Variants in PLA2G4E observed in about 807,000 individuals in gnomAD.
PLA2G4E encodes the protein cytosolic phospholipase A2 epsilon.
In PLA2G4E, 84 loss-of-function variants were observed where a neutral mutation model predicts 109.1. That is an observed-to-expected ratio of 0.77 (90% CI 0.65 to 0.92). The LOEUF (loss-of-function observed/expected upper bound fraction) is 0.92, where lower values mean the gene tolerates loss of function less well. PLA2G4E is among the 40% of genes least tolerant of loss of function. PLA2G4E has a pLI of 0.00. For missense variants in PLA2G4E, 1,057 were observed against 1,076.6 expected, an observed-to-expected ratio of 0.98 and a Z score of 0.25; for synonymous variants, 469 against 436.1, an observed-to-expected ratio of 1.08 and a Z score of -0.94.
chr15:42,020,351 G>C (rs977899394), intron 1 of PLA2G4E, among the ~76,000 whole-genome samples: 1 of 152,204 alleles, frequency 6.6e-6, no homozygotes, highest in African/African-American at 2.4e-5. Context: ...CTATTGCCTA[G>C]ATGGGGAAAC....
intron 1 of PLA2G4E, among the ~76,000 whole-genome samples, chr15:42,028,735 A>G (rs183761541): frequency 6.0e-4 from 91 of 152,294 alleles, no homozygotes; most frequent in Middle Eastern, 3.4e-3. Context: ...GGCTTCTTCT[A>G]TGTGCCTATG....
intron 1 of PLA2G4E, among the ~76,000 whole-genome samples, chr15:42,026,972 C>CA (rs35499215): frequency 0.57 from 79,478 of 140,040 alleles, 22,291 homozygotes; most frequent in East Asian, 0.7. Context: ...GACTCTATCT[C>CA]AAAAAAAAAA....
chr15:41,993,983 G>T (rs909293451), intron 12 of PLA2G4E, among the ~76,000 whole-genome samples: 1 of 150,056 alleles, frequency 6.7e-6, no homozygotes, highest in Non-Finnish European at 1.5e-5. Flanking sequence ...TCTGTCTATC[G>T]CATAGTAGTC....
intron 1 of PLA2G4E, 26 bp from the exon 2 acceptor site, chr15:42,013,783 C>G (rs1478000464): frequency 1.3e-6 from 2 of 1,537,534 alleles, no homozygotes; most frequent in East Asian, 4.9e-5. Flanking sequence ...ACAGAGGACT[C>G]AGTCTTCAAG....
At chr15:42,001,366 A>G in intron 6 of PLA2G4E, 146 bp from the exon 7 acceptor site, 1 of 740,034 alleles carries the variant, frequency 1.4e-6, no homozygotes, top group Non-Finnish European at 2.3e-6. Context: ...TGTGTTGACC[A>G]CATTTTCTGA....
intron 1 of PLA2G4E, among the ~76,000 whole-genome samples, chr15:42,018,640 G>A (rs1595571334): frequency 6.6e-6 from 1 of 152,134 alleles, no homozygotes; most frequent in East Asian, 1.9e-4. Context: ...GGCCAGGGAG[G>A]ACAGGCTGGA....
intron 1 of PLA2G4E, among the ~76,000 whole-genome samples, chr15:42,041,929 G>A (rs566585094): frequency 2.3e-4 from 35 of 152,326 alleles, no homozygotes; most frequent in African/African-American, 8.2e-4. Context: ...GCAGACAAAT[G>A]ATGGGGGTCT....
intron 2 of PLA2G4E, among the ~76,000 whole-genome samples, 195 bp from the exon 3 acceptor site, chr15:42,008,060 G>A (rs575851516): frequency 1.3e-5 from 2 of 152,328 alleles, no homozygotes; most frequent in East Asian, 3.9e-4. Flanking sequence ...CTCGCAGAGG[G>A]CGACCCAATC....
At chr15:42,026,528 T>G (rs1415177304) in intron 1 of PLA2G4E, among the ~76,000 whole-genome samples, 1 of 152,182 alleles carries the variant, frequency 6.6e-6, no homozygotes, top group Non-Finnish European at 1.5e-5. Flanking sequence ...TTGAGAAAGT[T>G]GGATAATGGC....
chr15:42,040,563 T>C (rs1889298209), intron 1 of PLA2G4E, among the ~76,000 whole-genome samples: 1 of 152,248 alleles, frequency 6.6e-6, no homozygotes, highest in African/African-American at 2.4e-5. Flanking sequence ...TTTCTCTATG[T>C]CAAAACACGT....
At chr15:42,002,331 A>T (rs1437013041) in intron 6 of PLA2G4E, among the ~76,000 whole-genome samples, 1 of 149,712 alleles carries the variant, frequency 6.7e-6, no homozygotes. Flanking sequence ...GGGGTACAGG[A>T]CCAAGACTGA....
At chr15:42,010,176 C>T (rs776489489) in intron 2 of PLA2G4E, 8 of 526,910 alleles carry the variant, frequency 1.5e-5, no homozygotes, top group Non-Finnish European at 2.3e-5. Flanking sequence ...GGTCTGTCTC[C>T]GGTACGCTGG....
At chr15:42,001,872 T>C (rs1431978701) in intron 6 of PLA2G4E, among the ~76,000 whole-genome samples, 1 of 152,128 alleles carries the variant, frequency 6.6e-6, no homozygotes, top group African/African-American at 2.4e-5. Flanking sequence ...TTGTATTTTT[T>C]TGTAGGGATG....
At chr15:41,989,630 C>T in intron 14 of PLA2G4E, 78 bp from the exon 15 acceptor site, 1 of 1,522,778 alleles carries the variant, frequency 6.6e-7, no homozygotes, top group Non-Finnish European at 8.9e-7. Flanking sequence ...CTCCTGCCTG[C>T]AGCCACTGGC....
chr15:42,006,217 G>A, intron 3 of PLA2G4E, 96 bp from the exon 4 acceptor site: 1 of 1,500,282 alleles, frequency 6.7e-7, no homozygotes, highest in Non-Finnish European at 9.1e-7. Flanking sequence ...AAGGAGGTAG[G>A]TCTGGGGGAT....
chr15:42,019,944 C>T (rs16972470), intron 1 of PLA2G4E, among the ~76,000 whole-genome samples: 19,532 of 152,264 alleles, frequency 0.13, 2,791 homozygotes, highest in African/African-American at 0.34. Context: ...TCTGTCACCT[C>T]TGTGGAAGAC....
intron 1 of PLA2G4E, among the ~76,000 whole-genome samples, chr15:42,035,734 C>T (rs1316863876): frequency 6.6e-6 from 1 of 152,192 alleles, no homozygotes; most frequent in Non-Finnish European, 1.5e-5. Context: ...GGGCCTTTGA[C>T]TCTGTCACCA....
chr15:42,038,283 G>A (rs1341609402), intron 1 of PLA2G4E, among the ~76,000 whole-genome samples: 1 of 152,188 alleles, frequency 6.6e-6, no homozygotes, highest in Admixed American at 6.5e-5. Flanking sequence ...CATGGATGGT[G>A]GGGGCAGGGA....
At chr15:41,994,414 C>T (rs766776404) in intron 12 of PLA2G4E, among the ~76,000 whole-genome samples, 9 of 152,252 alleles carry the variant, frequency 5.9e-5, no homozygotes, top group Admixed American at 1.3e-4. Context: ...AGCAAGGGAC[C>T]TCAGGGCTCA....
Sources: allele counts gnomAD v4.1 joint callset (sites outside exome capture counted in the v4.1 genomes callset), GRCh38; gene constraint gnomAD v4.1.1; transcripts MANE v1.5; gene names NCBI Gene and HGNC (gene_info 2026-07-23, HGNC 2026-07-21).